The following SLC17A1 variants were observed in gnomAD, a reference collection of about 807,000 sequenced individuals.
SLC17A1 encodes the protein sodium-dependent phosphate transport protein 1.
In SLC17A1, 51 loss-of-function variants were observed where a neutral mutation model predicts 53.5. The observed-to-expected ratio is 0.95, with a 90% CI of 0.76 to 1.20. The LOEUF (loss-of-function observed/expected upper bound fraction) is 1.20, where lower values mean the gene tolerates loss of function less well. Among genes scored for constraint, SLC17A1 ranks in the 50% most tolerant of loss-of-function variants. The probability of loss-of-function intolerance (pLI) is 0.00; values close to 1 mark genes in which losing one functional copy is unlikely to be tolerated. For missense variants in SLC17A1, 538 were observed against 568.2 expected (o/e 0.95, Z 0.54); for synonymous variants, 179 against 198.8 (o/e 0.90, Z 0.84).
the SLC17A1 span, among the ~76,000 whole-genome samples, chr6:25,745,946 T>C: frequency 2.0e-5 from 3 of 152,228 alleles, no homozygotes; most frequent in Non-Finnish European, 4.4e-5. Context: ...AAAGTGCCAT[T>C]GCACAAGATT....
the SLC17A1 span, chr6:25,726,583 G>T: frequency 1.6e-4 from 249 of 1,551,622 alleles, no homozygotes; most frequent in Admixed American, 5.8e-4. Flanking sequence ...CTGCTACTGG[G>T]CCTATTTATA....
At chr6:25,731,711 C>G in the SLC17A1 span, 1 of 1,034,054 alleles carries the variant, frequency 9.7e-7, no homozygotes, top group Admixed American at 2.7e-5. Flanking sequence ...TTCTACAGCC[C>G]TATTAGAAAC....
chr6:25,814,488 A>T (rs1764266282), intron 6 of SLC17A1, among the ~76,000 whole-genome samples: 1 of 152,258 alleles, frequency 6.6e-6, no homozygotes, highest in East Asian at 1.9e-4. Context: ...TTTACCCATA[A>T]GCATGAATTA....
the SLC17A1 span, chr6:25,761,952 A>T: frequency 6.2e-7 from 1 of 1,611,566 alleles, no homozygotes; most frequent in Non-Finnish European, 8.5e-7. Flanking sequence ...CCCTAGGAAG[A>T]GAGAACCAAA....
chr6:25,798,857 T>C lies in SLC17A1; in HGVS notation c.1332A>G (p.Leu444=). ...ILMAAINVTG[L]IFYLIVATAE... is the part of the protein sequence containing the mutation. ...CTGTAGCAACTATAAGGTAGAAAAT[T>C]AGGCCAGTCACATTAATGGCTGCCA... Residue 444 remains leucine (L), a synonymous_variant, in exon 12 of 13, where the codon CTA becomes CTG. Coordinates refer to ENST00000244527, the MANE Select transcript of SLC17A1 (RefSeq NM_005074.5). 2 of 1,610,416 alleles carry C rather than the reference T, an allele frequency of 1.2e-6. No individual in the cohort carries two copies. The highest frequency in any genetic ancestry group is 1.1e-5 in the South Asian group (1 of 90,372).
chr6:25,821,205 T>C (rs1317383228), intron 3 of SLC17A1, among the ~76,000 whole-genome samples: 5 of 152,222 alleles, frequency 3.3e-5, no homozygotes, highest in African/African-American at 7.2e-5. Flanking sequence ...GGAATCCATA[T>C]GTTTGTTGTC....
chr6:25,817,169 A>G (rs898441737), intron 6 of SLC17A1, among the ~76,000 whole-genome samples: 4 of 152,182 alleles, frequency 2.6e-5, no homozygotes, highest in Non-Finnish European at 5.9e-5. Flanking sequence ...TTTTAAGTGC[A>G]AATGTAAGTC....
chr6:25,726,720 G>C, the SLC17A1 span: 1 of 1,052,040 alleles, frequency 9.5e-7, no homozygotes, highest in Non-Finnish European at 1.4e-6. Flanking sequence ...TTTGGATACC[G>C]AACGCGGCGT....
chr6:25,731,335 G>A, the SLC17A1 span, among the ~76,000 whole-genome samples: 1 of 152,226 alleles, frequency 6.6e-6, no homozygotes, highest in Non-Finnish European at 1.5e-5. Flanking sequence ...CTTGGAGAAT[G>A]TTTTGCACAC....
At chr6:25,728,416 T>A in the SLC17A1 span, among the ~76,000 whole-genome samples, 87 of 152,350 alleles carry the variant, frequency 5.7e-4, no homozygotes, top group African/African-American at 1.9e-3. Flanking sequence ...TATTACTTCC[T>A]GGAAACCTGT....
chr6:25,749,234 A>T, the SLC17A1 span, among the ~76,000 whole-genome samples: 1 of 152,208 alleles, frequency 6.6e-6, no homozygotes, highest in Non-Finnish European at 1.5e-5. Context: ...AATGGCGATG[A>T]CTTTTACCAA....
chr6:25,760,004 T>C, the SLC17A1 span, among the ~76,000 whole-genome samples: 2 of 152,232 alleles, frequency 1.3e-5, no homozygotes, highest in Non-Finnish European at 2.9e-5. Context: ...GCTGTGCTTA[T>C]TAGTCTCTGG....
the SLC17A1 span, chr6:25,727,425 TCA>T: frequency 1.5e-5 from 11 of 736,596 alleles, no homozygotes; most frequent in African/African-American, 5.4e-5. Context: ...AGGCGGAGTC[TCA>T]CTCTCCCAGG....
chr6:25,736,519 T>C, the SLC17A1 span, among the ~76,000 whole-genome samples: 1 of 152,168 alleles, frequency 6.6e-6, no homozygotes, highest in Admixed American at 6.5e-5. Flanking sequence ...TTTAATACTG[T>C]AAAGCAATTA....
At chr6:25,760,907 C>T in the SLC17A1 span, among the ~76,000 whole-genome samples, 4 of 152,078 alleles carry the variant, frequency 2.6e-5, no homozygotes, top group Admixed American at 2.0e-4. Flanking sequence ...TCAGTTTATT[C>T]TATTTTTGGA....
At chr6:25,779,308 C>T, downstream of SLC17A1, 1 of 1,386,768 alleles carries the variant, frequency 7.2e-7, no homozygotes, top group Non-Finnish European at 9.7e-7. Flanking sequence ...CTATGTAACG[C>T]TAAAGATTTT....
At chr6:25,765,404 A>G in the SLC17A1 span, among the ~76,000 whole-genome samples, 1 of 152,240 alleles carries the variant, frequency 6.6e-6, no homozygotes, top group African/African-American at 2.4e-5. Flanking sequence ...GGGATGAAGT[A>G]ACACATCTTA....
chr6:25,806,263 A>G (rs558666124), intron 10 of SLC17A1, among the ~76,000 whole-genome samples: 1 of 152,092 alleles, frequency 6.6e-6, no homozygotes, highest in Non-Finnish European at 1.5e-5. Context: ...TAACATAAAG[A>G]GTTAAAAATA....
At chr6:25,778,968 C>G, downstream of SLC17A1, 1 of 1,547,660 alleles carries the variant, frequency 6.5e-7, no homozygotes, top group Non-Finnish European at 8.8e-7. Flanking sequence ...GGGGAGGGAG[C>G]AGGAGGACAC....
Sources: allele counts gnomAD v4.1 joint callset (sites outside exome capture counted in the v4.1 genomes callset), GRCh38; gene constraint gnomAD v4.1.1; transcripts MANE v1.5; gene names NCBI Gene and HGNC (gene_info 2026-07-23, HGNC 2026-07-21).